The following TNIK variants were observed in gnomAD, a reference collection of about 807,000 sequenced individuals.
The protein encoded by TNIK is TRAF2 and NCK-interacting protein kinase.
A neutral mutation model predicts 191.3 loss-of-function variants in TNIK; 49 were observed. The ratio of observed to expected loss-of-function variants is 0.26; its 90% confidence interval spans 0.20 to 0.32. The LOEUF (loss-of-function observed/expected upper bound fraction) is 0.32, where lower values mean the gene tolerates loss of function less well. TNIK is among the 10% of genes least tolerant of loss of function. The pLI is 1.00. For synonymous variants in TNIK, 594 were observed against 600.9 expected, an observed-to-expected ratio of 0.99 and a Z score of 0.17; for missense variants, 1,155 against 1,702.3, an observed-to-expected ratio of 0.68 and a Z score of 5.66.
intron 8 of TNIK, among the ~76,000 whole-genome samples, chr3:171,177,081 C>G (rs764433526): frequency 1.8e-4 from 28 of 151,628 alleles, no homozygotes; most frequent in Admixed American, 3.3e-4. Flanking sequence ...ACAAACAAGA[C>G]TCCCCAAAGT....
chr3:171,157,053 T>G (rs1378569074), intron 12 of TNIK, among the ~76,000 whole-genome samples: 1 of 152,206 alleles, frequency 6.6e-6, no homozygotes, highest in Non-Finnish European at 1.5e-5. Flanking sequence ...TGATGGAGCT[T>G]AAATTCCAGT....
At chr3:171,413,383 A>T (rs1027096920) in intron 1 of TNIK, among the ~76,000 whole-genome samples, 22 of 152,078 alleles carry the variant, frequency 1.4e-4, no homozygotes, top group African/African-American at 4.6e-4. Context: ...ACACACACAT[A>T]TCCCACCCCA....
At chr3:171,167,618 T>C (rs747198429) in intron 9 of TNIK, among the ~76,000 whole-genome samples, 1 of 152,190 alleles carries the variant, frequency 6.6e-6, no homozygotes, top group Non-Finnish European at 1.5e-5. Context: ...AAACCATAGC[T>C]GGGCCTTTAA....
chr3:171,196,616 T>C lies in TNIK; in HGVS notation c.307-1981A>G, dbSNP rs182360486. Among the ~76,000 whole-genome samples the C allele has an allele frequency of 5.0e-3, 758 of 152,304 alleles. 4 individuals are homozygous for C. The highest frequency in any genetic ancestry group is 0.02 in the Middle Eastern group (6 of 294). The stretch of plus-strand genomic sequence containing the variant: ...AAAAAAGAGACGCAAAGAAAACTTA[T>C]AGATTTAAAAACACTTAGATACACC... On this transcript the variant is annotated intron_variant, in intron 4 of 32. Coordinates refer to ENST00000436636, the MANE Select transcript of TNIK (RefSeq NM_015028.4).
At chr3:171,096,481 AT>A (rs930066819) in intron 22 of TNIK, among the ~76,000 whole-genome samples, 4 of 151,750 alleles carry the variant, frequency 2.6e-5, no homozygotes, top group Non-Finnish European at 1.5e-5. Flanking sequence ...CACTAACCTA[AT>A]TTTTTTTAAC....
intron 4 of TNIK, among the ~76,000 whole-genome samples, chr3:171,207,075 T>C (rs112445175): frequency 1.1e-3 from 172 of 152,234 alleles, no homozygotes; most frequent in African/African-American, 4.0e-3. Context: ...AAAACACCTT[T>C]CTACAGACAA....
intron 7 of TNIK, among the ~76,000 whole-genome samples, chr3:171,187,166 A>G (rs2108820009): frequency 6.6e-6 from 1 of 152,334 alleles, no homozygotes; most frequent in East Asian, 1.9e-4. Context: ...AGGTATAACT[A>G]TGGTTTGAAG....
chr3:171,289,832 G>A (rs1751473534), intron 2 of TNIK, among the ~76,000 whole-genome samples: 1 of 150,574 alleles, frequency 6.6e-6, no homozygotes, highest in Non-Finnish European at 1.5e-5. Flanking sequence ...AACCCAGGAG[G>A]CAGAGGTTGC....
At chr3:171,453,788 A>AT (rs1728475808) in intron 1 of TNIK, among the ~76,000 whole-genome samples, 1 of 152,208 alleles carries the variant, frequency 6.6e-6, no homozygotes, top group South Asian at 2.1e-4. Flanking sequence ...TAAGGGAAGA[A>AT]TTTTAAGTTG....
chr3:171,240,901 T>A (rs1003450575), intron 2 of TNIK, among the ~76,000 whole-genome samples: 5 of 152,210 alleles, frequency 3.3e-5, no homozygotes, highest in Non-Finnish European at 7.3e-5. Flanking sequence ...CTTTGTCTTG[T>A]TCACTATTCT....
intron 2 of TNIK, among the ~76,000 whole-genome samples, chr3:171,363,562 C>T (rs1280601673): frequency 6.6e-6 from 1 of 152,218 alleles, no homozygotes; most frequent in Non-Finnish European, 1.5e-5. Flanking sequence ...ATACTCACTC[C>T]TTGCCAAACA....
intron 10 of TNIK, among the ~76,000 whole-genome samples, chr3:171,163,815 C>T (rs1734289823): frequency 6.6e-6 from 1 of 151,886 alleles, no homozygotes. Context: ...AATACTTCAC[C>T]AAAATTTGCT....
At chr3:171,441,112 T>C (rs1302344233) in intron 1 of TNIK, among the ~76,000 whole-genome samples, 1 of 152,146 alleles carries the variant, frequency 6.6e-6, no homozygotes, top group Non-Finnish European at 1.5e-5. Flanking sequence ...TTCCTAGAAA[T>C]ATCACAGAGA....
intron 1 of TNIK, among the ~76,000 whole-genome samples, 173 bp downstream of exon 1, chr3:171,459,834 G>A (rs1402089344): frequency 6.6e-6 from 1 of 151,864 alleles, no homozygotes; most frequent in Admixed American, 6.5e-5. Flanking sequence ...TGCCGTAGGG[G>A]CTCAGCCAGG....
intron 4 of TNIK, among the ~76,000 whole-genome samples, chr3:171,201,607 G>C (rs890225025): frequency 2.0e-5 from 3 of 152,094 alleles, no homozygotes; most frequent in African/African-American, 7.2e-5. Flanking sequence ...GGTACAGAAG[G>C]CTGCTTTATG....
intron 2 of TNIK, among the ~76,000 whole-genome samples, chr3:171,310,130 G>C (rs1405498289): frequency 6.6e-6 from 1 of 151,652 alleles, no homozygotes; most frequent in African/African-American, 2.4e-5. Flanking sequence ...TTAAAAAATT[G>C]AAATGATCCA....
Position 171,062,256 on chromosome 3 carries a change from A to G in TNIK, c.*1625T>C, listed in dbSNP as rs1717903707. On this transcript the variant is annotated 3_prime_UTR_variant, in exon 33 of 33. Coordinates refer to ENST00000436636, the MANE Select transcript of TNIK (RefSeq NM_015028.4). ...TTGTCATTGGATTCCCCCCACTTCC[A>G]ATTTTTTAAGAAGAAAAATTTGGTC... 1 of 152,138 alleles carries G rather than the reference A, an allele frequency of 6.6e-6. No individual in the cohort carries two copies. Among genetic ancestry groups the G allele is most frequent in the African/African-American group, 2.4e-5 (1 of 41,416 alleles). 9.4% of individuals were successfully genotyped at this position (152,138 alleles called of 1,614,324 possible). A position where few individuals can be genotyped will look rare whatever the true frequency, so the allele number is the denominator to read the frequency against.
intron 2 of TNIK, among the ~76,000 whole-genome samples, chr3:171,325,845 C>T (rs1755693482): frequency 6.6e-6 from 1 of 152,176 alleles, no homozygotes; most frequent in African/African-American, 2.4e-5. Context: ...TCGGGGGAAC[C>T]TGCTTCTACC....
intron 4 of TNIK, among the ~76,000 whole-genome samples, chr3:171,209,388 GGCT>G (rs1279748690): frequency 6.6e-6 from 1 of 151,902 alleles, no homozygotes; most frequent in African/African-American, 2.4e-5. Flanking sequence ...CATCTCTGAA[GGCT>G]GCTAAATTCT....
Sources: gnomAD v4.1 joint callset for allele counts (sites outside exome capture counted in the v4.1 genomes callset) on GRCh38, gnomAD v4.1.1 for gene constraint, MANE v1.5 for transcripts, NCBI Gene and HGNC (gene_info 2026-07-23, HGNC 2026-07-21) for gene names.